BCAS3: variants seen among roughly 807,000 people sequenced by gnomAD.
BCAS3 encodes the protein BCAS3 microtubule associated cell migration factor.
Under a neutral mutation model 116.1 loss-of-function variants are expected in BCAS3, and 53 were observed. The observed-to-expected ratio is 0.46, with a 90% CI of 0.37 to 0.57. BCAS3 has a LOEUF of 0.57. BCAS3 is among the 20% of genes least tolerant of loss of function. The pLI is 0.00. For synonymous variants in BCAS3, 391 were observed against 408.2 expected, an observed-to-expected ratio of 0.96 and a Z score of 0.51; for missense variants, 917 against 1,165.4, an observed-to-expected ratio of 0.79 and a Z score of 3.10.
At chr17:60,867,614 A>G (rs2054728267) in intron 7 of BCAS3, among the ~76,000 whole-genome samples, 1 of 152,200 alleles carries the variant, frequency 6.6e-6, no homozygotes, top group Admixed American at 6.5e-5. Context: ...TGGTAAATCC[A>G]TATATTCTAA....
In BCAS3 at chr17:61,104,645, G is replaced by C. The variant is rs1011683572; in HGVS notation, c.2425+20081G>C. Among the ~76,000 whole-genome samples the C allele has an allele frequency of 3.9e-5, 6 of 152,166 alleles. 1 individual carries two copies. The highest frequency in any genetic ancestry group is 3.9e-4 in the Admixed American group (6 of 15,270). On this transcript the variant is annotated intron_variant, in intron 22 of 23. Transcript: ENST00000407086. This position sits in a 1 kb window ranked among gnomAD's most constrained non-coding sequence, Gnocchi z 4.1. ...CAAATCGGGTATTACATGTCACCCT[G>C]TGAAAGATCCTCTGCGTTACCCCAT...
intron 6 of BCAS3, among the ~76,000 whole-genome samples, chr17:60,807,623 A>C (rs951742823): frequency 4.6e-5 from 7 of 152,232 alleles, no homozygotes; most frequent in Non-Finnish European, 7.4e-5. Context: ...CTCTACTAAA[A>C]ATACAAAAAT....
chr17:60,779,439 A>G (rs2045599594), intron 6 of BCAS3, among the ~76,000 whole-genome samples: 1 of 147,052 alleles, frequency 6.8e-6, no homozygotes, highest in African/African-American at 2.5e-5. Context: ...GCGTGATCTC[A>G]GTTCACTGCA....
intron 9 of BCAS3, among the ~76,000 whole-genome samples, chr17:60,876,443 A>G (rs76311931): frequency 0.031 from 4,701 of 151,874 alleles, 182 homozygotes; most frequent in East Asian, 0.091. Flanking sequence ...CTTATATGAA[A>G]TCTTTCTTGA....
Position 61,125,258 on chromosome 17 carries a change from A to G in BCAS3, c.2425+40694A>G, listed in dbSNP as rs552106120. Among the ~76,000 whole-genome samples the G allele has an allele frequency of 7.2e-5, 11 of 152,322 alleles. No homozygotes were observed. The South Asian group carries it at 2.1e-3, about 29-fold the overall frequency. ...CACTTGAACACGAAAATGCTTTCCT[A>G]ATATGTCCTTGTATTCAGATAAATT... On this transcript the variant is annotated intron_variant, in intron 22 of 23. Coordinates refer to ENST00000407086, the MANE Select transcript of BCAS3 (RefSeq NM_017679.5).
At chr17:61,099,997 T>C (rs2074222537) in intron 22 of BCAS3, among the ~76,000 whole-genome samples, 1 of 152,246 alleles carries the variant, frequency 6.6e-6, no homozygotes, top group East Asian at 1.9e-4. Flanking sequence ...ACAAGAAACA[T>C]GGTAGAATTG....
At chr17:60,770,912 A>G (rs779464564) in intron 6 of BCAS3, among the ~76,000 whole-genome samples, 1 of 130,204 alleles carries the variant, frequency 7.7e-6, no homozygotes, top group Non-Finnish European at 1.6e-5. Context: ...CAGTGGCACG[A>G]TCTTGGCTCA....
Position 61,219,082 on chromosome 17 carries a change from C to T in BCAS3, c.2425+134518C>T, listed in dbSNP as rs573389148. Among the ~76,000 whole-genome samples the T allele has an allele frequency of 1.3e-4, 20 of 152,252 alleles. No individual in the cohort carries two copies. The highest frequency in any genetic ancestry group is 2.6e-4 in the African/African-American group (11 of 41,536). ...ATGGCTCTCTAGAATTAGGATTCTG[C>T]GCTCCGTAACTAATATTTTTATAGG... On this transcript the variant is annotated intron_variant, in intron 22 of 23. Transcript: ENST00000407086. This position sits in a 1 kb window ranked among gnomAD's most constrained non-coding sequence, Gnocchi z 5.2.
At chr17:61,166,297 C>G (rs1263048551) in intron 22 of BCAS3, among the ~76,000 whole-genome samples, 1 of 151,824 alleles carries the variant, frequency 6.6e-6, no homozygotes, top group Non-Finnish European at 1.5e-5. Context: ...CACTTCGTAT[C>G]AGGCCCTTCT....
rs1051019519 is a variant in BCAS3 at position 61,241,064 on chromosome 17, C to T, written c.2426-127263C>T. Among the ~76,000 whole-genome samples the T allele has an allele frequency of 2.6e-5, 4 of 152,174 alleles. No homozygotes were observed. Among genetic ancestry groups the T allele is most frequent in the Non-Finnish European group, 4.4e-5 (3 of 68,030 alleles). On this transcript the variant is annotated intron_variant, in intron 22 of 23. Coordinates refer to ENST00000407086, the MANE Select transcript of BCAS3 (RefSeq NM_017679.5). This position sits in a 1 kb window ranked among gnomAD's most constrained non-coding sequence, Gnocchi z 4.6. ...TTCCGCCCCCTCAGTTCTCACTCTC[C>T]ATCACTTACCCTTCAAAAGACTCTG...
At chr17:61,022,374 C>T (rs916175524) in intron 16 of BCAS3, among the ~76,000 whole-genome samples, 3 of 151,994 alleles carry the variant, frequency 2.0e-5, no homozygotes, top group Admixed American at 6.6e-5. Flanking sequence ...CTCAGCCTCC[C>T]GAGTAGCTGG....
chr17:60,718,079 A>G (rs917577595), intron 5 of BCAS3, among the ~76,000 whole-genome samples: 1 of 152,192 alleles, frequency 6.6e-6, no homozygotes, highest in Non-Finnish European at 1.5e-5. Flanking sequence ...ACCTGACAAG[A>G]GGCAGAGCTT....
chr17:60,694,448 C>A (rs577089087), intron 4 of BCAS3, among the ~76,000 whole-genome samples: 58 of 152,066 alleles, frequency 3.8e-4, no homozygotes, highest in Non-Finnish European at 2.5e-4. Context: ...ATGCAACAAG[C>A]CGAGACTGTG....
chr17:60,752,221 A>G (rs948588670), intron 6 of BCAS3, among the ~76,000 whole-genome samples: 4 of 151,760 alleles, frequency 2.6e-5, no homozygotes, highest in African/African-American at 9.7e-5. Context: ...TTTATAGTGA[A>G]CATTGTTTTA....
Position 61,084,513 on chromosome 17 carries a change from C to CAT in BCAS3, c.2374_2375insAT (p.Arg792HisfsTer13). On this transcript the variant is annotated frameshift_variant, in exon 22 of 24. Transcript: ENST00000407086. LOFTEE classifies it high-confidence loss of function. The surrounding 1 kb of genome is among the most constrained non-coding windows in gnomAD (Gnocchi z 5.5). ...CCCCGTCAGCATGCCAGGGTCATCCCGTCCAGTCTCTGATCGAAGGGGAGT... is the reference window on the plus strand; with the variant it reads ...CCCCGTCAGCATGCCAGGGTCATCCCATGTCCAGTCTCTGATCGAAGGGGAGT... The CAT allele has an allele frequency of 6.2e-7, 1 of 1,614,128 alleles. No individual in the cohort carries two copies. The highest frequency in any genetic ancestry group is 8.5e-7 in the Non-Finnish European group (1 of 1,180,010).
chr17:60,985,668 C>T (rs1434532745), intron 14 of BCAS3, among the ~76,000 whole-genome samples: 2 of 152,118 alleles, frequency 1.3e-5, no homozygotes, highest in East Asian at 1.9e-4. Flanking sequence ...CCCCTCCTCC[C>T]TCCACTACCC....
intron 22 of BCAS3, among the ~76,000 whole-genome samples, chr17:61,221,545 G>C (rs2082111671): frequency 6.6e-6 from 1 of 152,196 alleles, no homozygotes; most frequent in Non-Finnish European, 1.5e-5. Flanking sequence ...GAAAAAGCCA[G>C]TACACCTCTG....
intron 13 of BCAS3, among the ~76,000 whole-genome samples, chr17:60,930,051 G>A (rs1000309009): frequency 6.6e-6 from 1 of 152,034 alleles, no homozygotes; most frequent in Admixed American, 6.6e-5. Flanking sequence ...TGTCTTTAAA[G>A]ATATGTAATT....
chr17:61,001,545 A>C (rs1029353037), intron 15 of BCAS3, among the ~76,000 whole-genome samples: 27 of 152,106 alleles, frequency 1.8e-4, no homozygotes, highest in African/African-American at 6.3e-4. Flanking sequence ...TTCCATGTGC[A>C]TGTTTTAATT....
Sources: allele counts gnomAD v4.1 joint callset (sites outside exome capture counted in the v4.1 genomes callset), GRCh38; gene constraint gnomAD v4.1.1; non-coding constraint Gnocchi (gnomAD v3.1); transcripts MANE v1.5; gene names NCBI Gene and HGNC (gene_info 2026-07-23, HGNC 2026-07-21).